The following PCDHGA7 variants were observed in gnomAD, a reference collection of about 807,000 sequenced individuals.
PCDHGA7 encodes protocadherin gamma subfamily A, 7.
PCDHGA7 carries 44 observed loss-of-function variants against 58.3 expected under a neutral mutation model. The ratio of observed to expected loss-of-function variants is 0.75; its 90% CI spans 0.59 to 0.97. PCDHGA7 has a LOEUF of 0.97. Ranked by LOEUF, PCDHGA7 falls within the 50% of genes least tolerant of loss-of-function variation. The pLI, the probability that PCDHGA7 is intolerant of heterozygous loss-of-function variation, is 0.00. For missense variants in PCDHGA7, 1,266 were observed against 1,188.7 expected (o/e 1.06, Z -0.96); for synonymous variants, 516 against 504.2 (o/e 1.02, Z -0.31).
chr5:141,400,445 A>G (rs779145110), intron 1 of PCDHGA7: 1 of 1,614,084 alleles, frequency 6.2e-7, no homozygotes, highest in Non-Finnish European at 8.5e-7. Flanking sequence ...AGTTCAGGAC[A>G]AGACATACTT....
chr5:141,420,910 G>T, intron 1 of PCDHGA7: 1 of 311,900 alleles, frequency 3.2e-6, no homozygotes, highest in South Asian at 7.0e-5. Context: ...ACAAATACGT[G>T]TGATTCACAA....
chr5:141,410,135 G>T, intron 1 of PCDHGA7: 1 of 1,612,626 alleles, frequency 6.2e-7, no homozygotes, highest in Non-Finnish European at 8.5e-7. Context: ...CCTGCTGGTC[G>T]CTGTGCGTGA....
chr5:141,511,276 T>C lies in PCDHGA7; in HGVS notation c.*103T>C. On this transcript the variant is annotated 3_prime_UTR_variant, in exon 4 of 4. Coordinates refer to ENST00000518325, the MANE Select transcript of PCDHGA7 (RefSeq NM_018920.4). ...AGAGTTTCAGGGCTAACCCCCAGAA[T>C]ACTGGTAGGGGCCAAGGCCATGCTC... 6.5e-7 allele frequency: 1 copy of C among 1,538,084 alleles called. No homozygotes were observed. Among genetic ancestry groups the C allele is most frequent in the Non-Finnish European group, 8.8e-7 (1 of 1,140,720 alleles).
Position 141,511,403 on chromosome 5 carries a change from AC to A in PCDHGA7, c.*231del. ...TCCGCTGGGAACCCCCATCCAATCA[AC>A]TGCTGTACCCATGGGGGTAGTGGGG... is the stretch of plus-strand genomic sequence containing the variant. On this transcript the variant is annotated 3_prime_UTR_variant, in exon 4 of 4. Coordinates refer to ENST00000518325, the MANE Select transcript of PCDHGA7 (RefSeq NM_018920.4). 1.1e-6 allele frequency: 1 copy of A among 939,022 alleles called. No homozygotes were observed. The highest frequency in any genetic ancestry group is 1.5e-6 in the Non-Finnish European group (1 of 650,838). The allele number at this position is 939,022 out of a possible 1,614,324, so 58.2% of individuals were successfully genotyped here. A position where few individuals can be genotyped will look rare whatever the true frequency, so the allele number is the denominator to read the frequency against.
In PCDHGA7 at chr5:141,432,751, G is replaced by A; in HGVS notation, c.2424+47428G>A. The A allele has an allele frequency of 6.2e-7, 1 of 1,614,130 alleles. No homozygotes were observed. Among genetic ancestry groups the A allele is most frequent in the Non-Finnish European group, 8.5e-7 (1 of 1,179,982 alleles). Reference sequence around the variant, plus strand: ...CCACTGTCACGCTCACCGTGGCCGTGGCCGACAGCATCCCCCAAGTCCTGG... The same window carrying A: ...CCACTGTCACGCTCACCGTGGCCGTAGCCGACAGCATCCCCCAAGTCCTGG... On this transcript the variant is annotated intron_variant, in intron 1 of 3. Transcript: ENST00000518325. This position sits in a 1 kb window ranked among gnomAD's most constrained non-coding sequence, Gnocchi z 6.0.
chr5:141,416,130 C>T (rs907950687), intron 1 of PCDHGA7: 1 of 154,098 alleles, frequency 6.5e-6, no homozygotes, highest in African/African-American at 2.4e-5. Context: ...ATATATTTTT[C>T]AATCTATACT....
rs73280911 is a variant in PCDHGA7, at chr5:141,446,356, A to C, written c.2425-48451A>C. Among the ~76,000 whole-genome samples the C allele has an allele frequency of 2.0e-5, 3 of 152,188 alleles. No individual in the cohort carries two copies. In the South Asian group the frequency reaches 6.2e-4, roughly 31 times the overall value. On this transcript the variant is annotated intron_variant, in intron 1 of 3. Transcript: ENST00000518325. ...ACTGGATGGACAAAGCTACCATTTGATGAGAATGGAAGACTAAAGAATGAT... is the reference window on the plus strand; with the variant it reads ...ACTGGATGGACAAAGCTACCATTTGCTGAGAATGGAAGACTAAAGAATGAT...
Position 141,490,270 on chromosome 5 carries a change from A to G in PCDHGA7, c.2425-4537A>G. On this transcript the variant is annotated intron_variant, in intron 1 of 3. Coordinates refer to ENST00000518325, the MANE Select transcript of PCDHGA7 (RefSeq NM_018920.4). The surrounding 1 kb of genome is among the most constrained non-coding windows in gnomAD (Gnocchi z 5.4). The stretch of plus-strand genomic sequence containing the variant: ...GATTCAAGTGGATGTGGGGGATGTC[A>G]ATGACAATGCCCCAGAGGTGCTATT... The G allele has an allele frequency of 6.2e-7, 1 of 1,614,226 alleles. No individual in the cohort carries two copies. Among genetic ancestry groups the G allele is most frequent in the African/African-American group, 1.3e-5 (1 of 75,060 alleles).
At chr5:141,506,668 C>A (rs2099855518) in intron 3 of PCDHGA7, among the ~76,000 whole-genome samples, 1 of 152,100 alleles carries the variant, frequency 6.6e-6, no homozygotes, top group Admixed American at 6.6e-5. Context: ...AGTAAGGGCA[C>A]AATATATTAT....
intron 1 of PCDHGA7, among the ~76,000 whole-genome samples, chr5:141,483,611 A>G (rs2099583566): frequency 6.6e-6 from 1 of 151,952 alleles, no homozygotes; most frequent in South Asian, 2.1e-4. Context: ...TTACACCTCC[A>G]TCATTCCCAT....
chr5:141,477,749 C>A lies in PCDHGA7; in HGVS notation c.2425-17058C>A, dbSNP rs2099417192. The A allele has an allele frequency of 6.2e-7, 1 of 1,613,786 alleles. No homozygotes were observed. Among genetic ancestry groups the A allele is most frequent in the African/African-American group, 1.3e-5 (1 of 74,928 alleles). ...AGCTCATATCAGCGATGGGGGCACCCCGGTCCTAGCCACCAACATCAGCGT... is the reference window on the plus strand; with the variant it reads ...AGCTCATATCAGCGATGGGGGCACCACGGTCCTAGCCACCAACATCAGCGT... On this transcript the variant is annotated intron_variant, in intron 1 of 3. Coordinates refer to ENST00000518325, the MANE Select transcript of PCDHGA7 (RefSeq NM_018920.4). This position sits in a 1 kb window ranked among gnomAD's most constrained non-coding sequence, Gnocchi z 4.9.
chr5:141,421,365 G>A (rs1189449968), intron 1 of PCDHGA7: 2 of 1,614,026 alleles, frequency 1.2e-6, no homozygotes, highest in South Asian at 1.1e-5. Flanking sequence ...GCTCCTTCGT[G>A]GGCAATATCT....
intron 1 of PCDHGA7, chr5:141,394,727 C>G (rs971156422): frequency 8.7e-6 from 14 of 1,613,436 alleles, no homozygotes; most frequent in Middle Eastern, 1.6e-4. Flanking sequence ...GAGATGCGCT[C>G]AAGCAGAGCC....
At chr5:141,433,208 CTT>C (rs745329085) in intron 1 of PCDHGA7, 289 of 1,287,502 alleles carry the variant, frequency 2.2e-4, no homozygotes, top group South Asian at 2.8e-4. Context: ...AATCTTCTTT[CTT>C]TTTTTTTTTT....
chr5:141,476,725 C>G lies in PCDHGA7; in HGVS notation c.2425-18082C>G. On this transcript the variant is annotated intron_variant, in intron 1 of 3. Coordinates refer to ENST00000518325, the MANE Select transcript of PCDHGA7 (RefSeq NM_018920.4). This position sits in a 1 kb window ranked among gnomAD's most constrained non-coding sequence, Gnocchi z 7.6. ...AGCTGGTGTTGGAGCGCGCCCTGGA[C>G]CGAGAACGGGAGCCTAGTCTCCAGT... The G allele has an allele frequency of 6.2e-7, 1 of 1,614,132 alleles. No homozygotes were observed. Among genetic ancestry groups the G allele is most frequent in the Non-Finnish European group, 8.5e-7 (1 of 1,180,038 alleles).
intron 1 of PCDHGA7, among the ~76,000 whole-genome samples, chr5:141,435,715 A>T (rs528951395): frequency 5.9e-5 from 9 of 152,210 alleles, no homozygotes; most frequent in Non-Finnish European, 1.0e-4. Context: ...ACAGACACTG[A>T]ATGCTAAAGT....
chr5:141,489,999 G>C lies in PCDHGA7; in HGVS notation c.2425-4808G>C, dbSNP rs772783990. Reference sequence around the variant, plus strand: ...CAGTTCTACGTGTGGGAATCCCAGAGAATGCACCCATTGGTACTCTGCTGC... The same window carrying C: ...CAGTTCTACGTGTGGGAATCCCAGACAATGCACCCATTGGTACTCTGCTGC... On this transcript the variant is annotated intron_variant, in intron 1 of 3. Coordinates refer to ENST00000518325, the MANE Select transcript of PCDHGA7 (RefSeq NM_018920.4). This position sits in a 1 kb window ranked among gnomAD's most constrained non-coding sequence, Gnocchi z 4.5. 6.2e-7 allele frequency: 1 copy of C among 1,614,242 alleles called. No individual in the cohort carries two copies. Among genetic ancestry groups the C allele is most frequent in the East Asian group, 2.2e-5 (1 of 44,886 alleles).
Position 141,487,544 on chromosome 5 carries a change from C to A in PCDHGA7, c.2425-7263C>A. 1 of 1,614,190 alleles carries A rather than the reference C, an allele frequency of 6.2e-7. No homozygotes were observed. The highest frequency in any genetic ancestry group is 1.1e-5 in the South Asian group (1 of 91,088). On this transcript the variant is annotated intron_variant, in intron 1 of 3. Transcript: ENST00000518325. This position sits in a 1 kb window ranked among gnomAD's most constrained non-coding sequence, Gnocchi z 5.0. ...TGATAGCTTCATGATGGTGAAGTCA[C>A]CCAGTGCACCTATGGCAGGGGAGCC... is the stretch of plus-strand genomic sequence containing the variant.
rs1280923293 is a variant in PCDHGA7 at position 141,478,837 on chromosome 5, G to A, written c.2425-15970G>A. ...AACTAACCAATCTTGCTAAGGGATG[G>A]TTAAGCTAAAACACAAGATCTCAGC... is the stretch of plus-strand genomic sequence containing the variant. On this transcript the variant is annotated intron_variant, in intron 1 of 3. Transcript: ENST00000518325. 3.5e-6 allele frequency: 5 copies of A among 1,428,112 alleles called. No homozygotes were observed. The African/African-American group carries it at 5.8e-5, about 16-fold the overall frequency. The allele number at this position is 1,428,112 out of a possible 1,614,324, so 88.5% of individuals were successfully genotyped here.
Sources: gnomAD v4.1 joint callset for allele counts (sites outside exome capture counted in the v4.1 genomes callset) on GRCh38, gnomAD v4.1.1 for gene constraint, Gnocchi (gnomAD v3.1) non-coding constraint, MANE v1.5 for transcripts, NCBI Gene and HGNC (gene_info 2026-07-23, HGNC 2026-07-21) for gene names.